Variants in CPEB1 observed in about 807,000 individuals in gnomAD.
The protein encoded by CPEB1 is cytoplasmic polyadenylation element binding protein 1.
CPEB1 carries 7 observed loss-of-function variants against 65.8 expected under a neutral mutation model. The ratio of observed to expected loss-of-function variants is 0.11; its 90% CI spans 0.06 to 0.20. CPEB1 has a LOEUF of 0.20. Ranked by LOEUF, CPEB1 falls within the 10% of genes least tolerant of loss-of-function variation. The pLI is 1.00. For missense variants in CPEB1, 551 were observed against 712.2 expected, an observed-to-expected ratio of 0.77 and a Z score of 2.58; for synonymous variants, 262 against 260.0, an observed-to-expected ratio of 1.01 and a Z score of -0.08.
intron 1 of CPEB1, chr15:82,638,418 C>T (rs1457726450): frequency 6.5e-6 from 1 of 152,816 alleles, no homozygotes; most frequent in African/African-American, 2.4e-5. Context: ...CCAATCTCAC[C>T]AGGGGACTTC....
At chr15:82,648,230 C>A, upstream of CPEB1, 1 of 249,314 alleles carries the variant, frequency 4.0e-6, no homozygotes, top group Non-Finnish European at 7.7e-6. Context: ...CTAAGTGACC[C>A]TTGCCGAGTC....
intron 3 of CPEB1, among the ~76,000 whole-genome samples, chr15:82,598,239 G>GCTGAGGTGGGTGGATCAC (rs57424110): frequency 6.6e-6 from 1 of 151,344 alleles, no homozygotes. Flanking sequence ...ACTTTGGGAG[G>GCTGAGGTGGGTGGATCAC]CTGAGGTGGG....
intron 3 of CPEB1, among the ~76,000 whole-genome samples, chr15:82,586,805 G>C (rs529640979): frequency 6.6e-6 from 1 of 152,296 alleles, no homozygotes; most frequent in East Asian, 1.9e-4. Flanking sequence ...GTGAATTCAA[G>C]ACGATTACTA....
At chr15:82,615,583 C>G (rs1485121805) in intron 3 of CPEB1, among the ~76,000 whole-genome samples, 1 of 152,022 alleles carries the variant, frequency 6.6e-6, no homozygotes, top group African/African-American at 2.4e-5. Context: ...GGGTTGATGC[C>G]AGATCATATA....
chr15:82,550,552 G>A (rs1405567811), intron 9 of CPEB1, among the ~76,000 whole-genome samples: 2 of 152,196 alleles, frequency 1.3e-5, no homozygotes, highest in Non-Finnish European at 2.9e-5. Context: ...GGGCCTACAC[G>A]GTCTTGGGAT....
intron 3 of CPEB1, among the ~76,000 whole-genome samples, chr15:82,624,202 C>T (rs1305368242): frequency 6.6e-6 from 1 of 152,184 alleles, no homozygotes; most frequent in African/African-American, 2.4e-5. Context: ...AATACAGGCC[C>T]ACAGCCCTGA....
chr15:82,610,068 A>C (rs1228721210), intron 3 of CPEB1, among the ~76,000 whole-genome samples: 1 of 151,786 alleles, frequency 6.6e-6, no homozygotes, highest in Admixed American at 6.6e-5. Context: ...GGCAAAAAAA[A>C]AAAAAAAAAA....
At chr15:82,635,350 G>A in intron 1 of CPEB1, among the ~76,000 whole-genome samples, 1 of 152,186 alleles carries the variant, frequency 6.6e-6, no homozygotes, top group Admixed American at 6.5e-5. Context: ...AAGAATGTAA[G>A]TCTTCTAGCC....
At chr15:82,568,158 G>T (rs558385653) in intron 4 of CPEB1, among the ~76,000 whole-genome samples, 2 of 152,324 alleles carry the variant, frequency 1.3e-5, no homozygotes, top group African/African-American at 4.8e-5. Flanking sequence ...TCCAGGAGTT[G>T]TGTCACTTTG....
At chr15:82,583,455 G>A (rs2041486816) in intron 3 of CPEB1, 1 of 152,144 alleles carries the variant, frequency 6.6e-6, no homozygotes. Flanking sequence ...TGCCAATCAC[G>A]ACTGCATCTA....
upstream of CPEB1, chr15:82,647,772 G>A (rs2047704392): frequency 1.7e-6 from 2 of 1,176,128 alleles, no homozygotes; most frequent in East Asian, 3.4e-5. Flanking sequence ...GGGGTACCGC[G>A]GCGCCGGACC....
chr15:82,545,317 C>T (rs2034979897), intron 12 of CPEB1, among the ~76,000 whole-genome samples: 1 of 152,206 alleles, frequency 6.6e-6, no homozygotes. Flanking sequence ...TCAAACTTAA[C>T]TTCAAACTCT....
At chr15:82,570,608 G>C (rs2039875067) in intron 4 of CPEB1, among the ~76,000 whole-genome samples, 1 of 151,974 alleles carries the variant, frequency 6.6e-6, no homozygotes, top group African/African-American at 2.4e-5. Flanking sequence ...AGCAATTTAA[G>C]GGGGGGCTGC....
At chr15:82,594,135 A>G (rs1430109923) in intron 3 of CPEB1, among the ~76,000 whole-genome samples, 1 of 152,200 alleles carries the variant, frequency 6.6e-6, no homozygotes, top group African/African-American at 2.4e-5. Flanking sequence ...TTGAAGCCAG[A>G]AACTGACTTT....
chr15:82,575,225 T>C (rs907288654), intron 3 of CPEB1, among the ~76,000 whole-genome samples: 9 of 152,102 alleles, frequency 5.9e-5, no homozygotes, highest in Admixed American at 1.3e-4. Context: ...AAGCAATTCA[T>C]TGGGGAAAAA....
At chr15:82,630,123 A>C in intron 1 of CPEB1, 1 of 985,074 alleles carries the variant, frequency 1.0e-6, no homozygotes, top group Non-Finnish European at 1.2e-6. Context: ...ACCTGCAGAG[A>C]GGAGGTCTCG....
intron 3 of CPEB1, among the ~76,000 whole-genome samples, chr15:82,619,274 T>C (rs555848974): frequency 6.6e-6 from 1 of 152,214 alleles, no homozygotes; most frequent in African/African-American, 2.4e-5. Context: ...CTTCCCCTTC[T>C]TATACCATGT....
chr15:82,642,897 G>A (rs1379076553), intron 1 of CPEB1, among the ~76,000 whole-genome samples: 1 of 152,102 alleles, frequency 6.6e-6, no homozygotes, highest in Non-Finnish European at 1.5e-5. Flanking sequence ...TAATATTTAG[G>A]TTTGGTGTGC....
intron 1 of CPEB1, among the ~76,000 whole-genome samples, chr15:82,632,539 G>A (rs994348900): frequency 6.6e-6 from 1 of 151,978 alleles, no homozygotes; most frequent in Non-Finnish European, 1.5e-5. Flanking sequence ...TTTAAGAGAT[G>A]GGGTCTTGTT....
Sources: allele counts gnomAD v4.1 joint callset (sites outside exome capture counted in the v4.1 genomes callset), GRCh38; gene constraint gnomAD v4.1.1; transcripts MANE v1.5; gene names NCBI Gene and HGNC (gene_info 2026-07-23, HGNC 2026-07-21).